The following FAM217A variants were observed in gnomAD, a reference collection of about 807,000 sequenced individuals.
FAM217A encodes the protein protein FAM217A.
Under a neutral mutation model 18.5 loss-of-function variants are expected in FAM217A, and 13 were observed. The observed-to-expected ratio is 0.70, with a 90% CI of 0.46 to 1.12. The LOEUF is 1.12. Among genes scored for constraint, FAM217A ranks in the 50% most tolerant of loss-of-function variants. The pLI is 0.00. For synonymous variants in FAM217A, 161 were observed against 202.8 expected (o/e 0.79, Z 1.75); for missense variants, 560 against 575.4 (o/e 0.97, Z 0.27).
intron 6 of FAM217A, 142 bp downstream of exon 6, chr6:4,073,133 G>A: frequency 3.2e-6 from 2 of 619,302 alleles, no homozygotes; most frequent in East Asian, 2.9e-5. Flanking sequence ...GCTTTAGGGT[G>A]GACTTCTACA....
Position 4,073,522 on chromosome 6 carries a change from A to C in FAM217A, c.160-15T>G. 9 of 1,599,734 alleles carry C rather than the reference A, an allele frequency of 5.6e-6. No individual in the cohort carries two copies. The highest frequency in any genetic ancestry group is 7.7e-6 in the Non-Finnish European group (9 of 1,168,300). On this transcript the variant is annotated splice_polypyrimidine_tract_variant and intron_variant, in intron 4 of 6. Transcript: ENST00000274673. ...TCCAAATAGTTCTATAAGGCAGCAG[A>C]AGACTTTTAAACATAATATATCTCT...
chr6:4,080,643 C>T (rs1770226581), upstream of FAM217A, among the ~76,000 whole-genome samples: 1 of 152,176 alleles, frequency 6.6e-6, no homozygotes, highest in Non-Finnish European at 1.5e-5. Flanking sequence ...CTCCTAATGC[C>T]GGAAGGAGGA....
intron 2 of FAM217A, among the ~76,000 whole-genome samples, chr6:4,075,140 C>G (rs1409818860): frequency 2.0e-5 from 3 of 152,028 alleles, no homozygotes; most frequent in African/African-American, 7.2e-5. Context: ...TTGAGACCAG[C>G]CTGGCCAACA....
intron 1 of FAM217A, among the ~76,000 whole-genome samples, chr6:4,085,139 G>A (rs1581909376): frequency 1.3e-5 from 2 of 152,250 alleles, no homozygotes; most frequent in Admixed American, 1.3e-4. Flanking sequence ...AGCACCATGG[G>A]CTGAGACCTG....
At position 4,068,889 on chromosome 6, in the gene FAM217A, G is replaced by C. The variant is rs757866954; in HGVS notation, c.1334C>G (p.Ser445Ter). 2 of 1,614,138 alleles carry C rather than the reference G, an allele frequency of 1.2e-6. No individual in the cohort carries two copies. Among genetic ancestry groups the C allele is most frequent in the East Asian group, 4.5e-5 (2 of 44,870 alleles). Reference sequence around the variant, plus strand: ...TTCGGGAAAAGTCAGAGGTATAGGTGAAACTGGCATTGGAGACCTCCATGG... The same window carrying C: ...TTCGGGAAAAGTCAGAGGTATAGGTCAAACTGGCATTGGAGACCTCCATGG... ...CLPWRSPMPV[S>*]PIPLTFPENQ... Residue 445 changes from serine to a stop codon, truncating the protein, a stop_gained, in exon 7 of 7, where the codon TCA (serine) becomes TGA (stop). Transcript: ENST00000274673. LOFTEE classifies it low-confidence loss of function (END_TRUNC).
intron 4 of FAM217A, among the ~76,000 whole-genome samples, chr6:4,073,986 G>A (rs1769595009): frequency 6.6e-6 from 1 of 152,086 alleles, no homozygotes; most frequent in Non-Finnish European, 1.5e-5. Context: ...GAGTAGCTGG[G>A]ACTACAGCTA....
chr6:4,078,019 G>A (rs1028901868), intron 1 of FAM217A, among the ~76,000 whole-genome samples: 1 of 150,328 alleles, frequency 6.7e-6, no homozygotes, highest in African/African-American at 2.5e-5. Context: ...ACAGTCACTG[G>A]ATTAAGGTAT....
At chr6:4,084,103 T>A (rs1770484542), upstream of FAM217A, among the ~76,000 whole-genome samples, 1 of 152,214 alleles carries the variant, frequency 6.6e-6, no homozygotes, top group Non-Finnish European at 1.5e-5. Context: ...AACTCTATTC[T>A]ATGAGCATTC....
Position 4,068,581 on chromosome 6 carries a change from G to T in FAM217A, c.*115C>A. The T allele has an allele frequency of 1.7e-6, 2 of 1,187,568 alleles. No homozygotes were observed. Among genetic ancestry groups the T allele is most frequent in the Non-Finnish European group, 2.3e-6 (2 of 853,352 alleles). The allele number at this position is 1,187,568 out of a possible 1,614,324, so 73.6% of individuals were successfully genotyped here. A position where few individuals can be genotyped will look rare whatever the true frequency, so the allele number is the denominator to read the frequency against. ...CTACTCCATATCACATCAAGCAACT[G>T]TTTGGTGATTTTGGGGGACTGTTAA... On this transcript the variant is annotated 3_prime_UTR_variant, in exon 7 of 7. Transcript: ENST00000274673.
chr6:4,069,241 G>A lies in FAM217A; in HGVS notation c.982C>T (p.Pro328Ser). The A allele has an allele frequency of 6.2e-7, 1 of 1,614,146 alleles. No individual in the cohort carries two copies. The highest frequency in any genetic ancestry group is 1.1e-5 in the South Asian group (1 of 91,080). Residue 328 changes from proline to serine, a missense_variant, in exon 7 of 7, where the codon CCA (proline) becomes TCA (serine). Transcript: ENST00000274673. ...TERPSSSKAT[P>S]KVRQPKLCDS... ...CAAAGTTTTGGCTGTCTCACTTTTG[G>A]TGTAGCTTTGGAGGAAGAGGGTCGT...
chr6:4,084,975 C>T (rs1483318661), intron 1 of FAM217A, among the ~76,000 whole-genome samples: 2 of 152,184 alleles, frequency 1.3e-5, no homozygotes, highest in Non-Finnish European at 2.9e-5. Flanking sequence ...CATAGCAGCT[C>T]TCATCACAAC....
In FAM217A at chr6:4,069,934, T is replaced by C. The variant is rs779135885; in HGVS notation, c.303-14A>G. The C allele has an allele frequency of 5.4e-6, 8 of 1,494,924 alleles. No homozygotes were observed. In the East Asian group the frequency reaches 1.6e-4, roughly 30 times the overall value. The allele number at this position is 1,494,924 out of a possible 1,614,324, so 92.6% of individuals were successfully genotyped here. On this transcript the variant is annotated splice_polypyrimidine_tract_variant and intron_variant, in intron 6 of 6. Transcript: ENST00000274673. ...TTTTTGAATTCCCTTTAAAAAATAATTTAATTAATGAATGGTTTATTGACT... is the reference window on the plus strand; with the variant it reads ...TTTTTGAATTCCCTTTAAAAAATAACTTAATTAATGAATGGTTTATTGACT...
chr6:4,069,681 A>G lies in FAM217A; in HGVS notation c.542T>C (p.Leu181Ser). 5.0e-6 allele frequency: 8 copies of G among 1,614,154 alleles called. No homozygotes were observed. Among genetic ancestry groups the G allele is most frequent in the Non-Finnish European group, 6.8e-6 (8 of 1,180,020 alleles). The change falls in exon 7 of 7, where the codon TTA (leucine) becomes TCA (serine). Residue 181 changes from leucine (L) to serine (S), a missense_variant. Leu to Ser is a moderately radical substitution (Grantham distance 145, BLOSUM62 -2). Transcript: ENST00000274673. The stretch of plus-strand genomic sequence containing the variant: ...TTTCAAATTCCAATTTGGAGCAGGT[A>G]ATGTTTCACCATCATTGTTTTCTAT... ...STIENNDGET[L>S]PAPNWNLKHG...
intron 1 of FAM217A, among the ~76,000 whole-genome samples, chr6:4,085,878 G>A (rs1228998011): frequency 6.6e-6 from 1 of 152,118 alleles, no homozygotes; most frequent in Non-Finnish European, 1.5e-5. Flanking sequence ...GGGAGGCCGA[G>A]GCAAGAGGAT....
In FAM217A at chr6:4,076,660, C is replaced by G. The variant is rs1295350853; in HGVS notation, c.60+695G>C. ...TTGGAAAGCCAAGGCGGGTGGATCACTTGAGGTCAGGAGTTCAAGACCAGC... is the reference window on the plus strand; with the variant it reads ...TTGGAAAGCCAAGGCGGGTGGATCAGTTGAGGTCAGGAGTTCAAGACCAGC... On this transcript the variant is annotated intron_variant, in intron 2 of 6. Transcript: ENST00000274673. 2.0e-5 allele frequency among the ~76,000 whole-genome samples: 3 copies of G among 152,288 alleles called. No homozygotes were observed. In the East Asian group the frequency reaches 5.8e-4, roughly 29 times the overall value.
intron 1 of FAM217A, 94 bp downstream of exon 1, chr6:4,078,758 C>T: frequency 2.4e-6 from 1 of 410,952 alleles, no homozygotes; most frequent in Non-Finnish European, 4.3e-6. Flanking sequence ...TCCCCTTTTC[C>T]TCCTGAGCTG....
chr6:4,069,914 G>T lies in FAM217A; in HGVS notation c.309C>A (p.Phe103Leu), dbSNP rs764642389. The change falls in exon 7 of 7, where the codon TTC becomes TTA. Residue 103 changes from phenylalanine (F) to leucine (L), a missense_variant. Transcript: ENST00000274673. ...NEGSTIEKRE[F>L]KKSSVETGFN... ...AGCCAGTTTCCACTGAAGATTTTTTGAATTCCCTTTAAAAAATAATTTAAT... is the reference window on the plus strand; with the variant it reads ...AGCCAGTTTCCACTGAAGATTTTTTTAATTCCCTTTAAAAAATAATTTAAT... 9.6e-6 allele frequency: 15 copies of T among 1,556,094 alleles called. No individual in the cohort carries two copies. Among genetic ancestry groups the T allele is most frequent in the Admixed American group, 6.1e-5 (3 of 48,786 alleles).
chr6:4,079,347 C>G (rs10080424), upstream of FAM217A: 42,654 of 217,144 alleles, frequency 0.2, 4,732 homozygotes, highest in African/African-American at 0.29. Flanking sequence ...GCGCCCCGCC[C>G]GGCCTCCCCC....
chr6:4,084,691 G>A (rs1279872019), exon 2 of FAM217A: 1 of 702,926 alleles, frequency 1.4e-6, no homozygotes, highest in African/African-American at 1.7e-5. Flanking sequence ...TAAAAAACTT[G>A]GAGCTAATCT....
Sources: allele counts gnomAD v4.1 joint callset (sites outside exome capture counted in the v4.1 genomes callset), GRCh38; gene constraint gnomAD v4.1.1; transcripts MANE v1.5; gene names NCBI Gene and HGNC (gene_info 2026-07-23, HGNC 2026-07-21).